Variants in CUX2 observed in about 807,000 individuals in gnomAD.
CUX2 encodes the protein homeobox protein cut-like 2.
CUX2 carries 40 observed loss-of-function variants against 144.8 expected under a neutral mutation model. That is an observed-to-expected ratio of 0.28 (90% CI 0.21 to 0.36). CUX2 has a LOEUF of 0.36. Among genes scored for constraint, CUX2 ranks in the 10% least tolerant of loss-of-function variants. The probability of loss-of-function intolerance (pLI) is 1.00; values close to 1 mark genes in which losing one functional copy is unlikely to be tolerated. For missense variants in CUX2, 1,615 were observed against 1,994.0 expected (o/e 0.81, Z 3.62); for synonymous variants, 827 against 875.6 (o/e 0.94, Z 0.98).
chr12:111,282,667 C>T (rs948383677), intron 4 of CUX2, among the ~76,000 whole-genome samples: 2 of 149,726 alleles, frequency 1.3e-5, no homozygotes, highest in African/African-American at 2.5e-5. Context: ...GAACAGGAGG[C>T]TTAAACGCAA....
intron 1 of CUX2, among the ~76,000 whole-genome samples, chr12:111,050,814 A>G (rs1470452474): frequency 6.6e-6 from 1 of 152,228 alleles, no homozygotes; most frequent in Non-Finnish European, 1.5e-5. Flanking sequence ...AGGTTATTAA[A>G]AACTTGTTAA....
intron 1 of CUX2, among the ~76,000 whole-genome samples, chr12:111,201,471 C>T (rs1235485996): frequency 6.6e-6 from 1 of 152,198 alleles, no homozygotes; most frequent in East Asian, 1.9e-4. Flanking sequence ...CCACTCATGC[C>T]CACAGCTCCC....
At chr12:111,126,258 G>A (rs112306122) in intron 1 of CUX2, among the ~76,000 whole-genome samples, 2,352 of 152,106 alleles carry the variant, frequency 0.015, 55 homozygotes, top group African/African-American at 0.053. Flanking sequence ...ACAGGCATGT[G>A]CTACCATCCC....
intron 1 of CUX2, among the ~76,000 whole-genome samples, chr12:111,201,387 C>T (rs1314417978): frequency 6.6e-6 from 1 of 152,178 alleles, no homozygotes; most frequent in African/African-American, 2.4e-5. Flanking sequence ...CACAACTTCC[C>T]AACCTAATCC....
At chr12:111,053,577 C>T (rs891564330) in intron 1 of CUX2, among the ~76,000 whole-genome samples, 1 of 152,236 alleles carries the variant, frequency 6.6e-6, no homozygotes, top group Admixed American at 6.5e-5. Flanking sequence ...CTCACACTTC[C>T]CAGCATTGCA....
intron 4 of CUX2, among the ~76,000 whole-genome samples, chr12:111,268,925 G>A (rs562386360): frequency 1.7e-4 from 26 of 152,264 alleles, no homozygotes; most frequent in African/African-American, 5.8e-4. Flanking sequence ...ACGGCACCCC[G>A]TAGTACCTCA....
intron 1 of CUX2, among the ~76,000 whole-genome samples, chr12:111,051,784 A>G (rs73411402): frequency 0.029 from 4,358 of 151,640 alleles, 191 homozygotes; most frequent in African/African-American, 0.1. Flanking sequence ...TTTGTTTTCT[A>G]TATCTTTTTG....
At chr12:111,071,430 G>A (rs1871250619) in intron 1 of CUX2, among the ~76,000 whole-genome samples, 1 of 152,166 alleles carries the variant, frequency 6.6e-6, no homozygotes, top group African/African-American at 2.4e-5. Flanking sequence ...CTTCTTTGGT[G>A]AGGATCTGTT....
At chr12:111,081,971 C>T (rs1871918890) in intron 1 of CUX2, among the ~76,000 whole-genome samples, 1 of 152,134 alleles carries the variant, frequency 6.6e-6, no homozygotes, top group Non-Finnish European at 1.5e-5. Flanking sequence ...TATAAATGCC[C>T]CGGCTCCCTC....
At chr12:111,073,185 C>A (rs527421868) in intron 1 of CUX2, among the ~76,000 whole-genome samples, 1 of 150,654 alleles carries the variant, frequency 6.6e-6, no homozygotes, top group African/African-American at 2.5e-5. Context: ...CCAGTCACTA[C>A]CAACCACCCA....
At chr12:111,182,454 C>T (rs1233621495) in intron 1 of CUX2, among the ~76,000 whole-genome samples, 1 of 152,218 alleles carries the variant, frequency 6.6e-6, no homozygotes, top group Non-Finnish European at 1.5e-5. Flanking sequence ...CCAGTTGATC[C>T]GTCTTCTCAG....
At chr12:111,158,097 G>A (rs1223257721) in intron 1 of CUX2, among the ~76,000 whole-genome samples, 1 of 152,136 alleles carries the variant, frequency 6.6e-6, no homozygotes, top group East Asian at 1.9e-4. Context: ...AAGAGGCAAG[G>A]CAGGAGGCCA....
At chr12:111,050,564 G>T (rs1469866543) in intron 1 of CUX2, among the ~76,000 whole-genome samples, 1 of 152,086 alleles carries the variant, frequency 6.6e-6, no homozygotes, top group East Asian at 1.9e-4. Context: ...GGGTCTACAG[G>T]ACAGAAACCT....
At chr12:111,288,142 G>A (rs1336766055) in intron 4 of CUX2, among the ~76,000 whole-genome samples, 2 of 152,160 alleles carry the variant, frequency 1.3e-5, no homozygotes, top group African/African-American at 4.8e-5. Context: ...TTGTACTATG[G>A]AAGGCAAGTA....
chr12:111,218,410 G>A (rs1051739657), intron 3 of CUX2, among the ~76,000 whole-genome samples: 14 of 152,092 alleles, frequency 9.2e-5, no homozygotes, highest in Admixed American at 2.6e-4. Flanking sequence ...CAGCTACTCC[G>A]GAGGCTAAGG....
intron 18 of CUX2, among the ~76,000 whole-genome samples, chr12:111,326,908 A>G (rs1887848147): frequency 6.6e-6 from 1 of 152,148 alleles, no homozygotes. Context: ...GTCTCAAACA[A>G]AGAAACAAAC....
chr12:111,311,990 G>T, intron 15 of CUX2, 110 bp from the exon 16 acceptor site: 1 of 805,762 alleles, frequency 1.2e-6, no homozygotes, highest in South Asian at 1.8e-5. Context: ...CTCACTGATG[G>T]TCTGACCCTC....
chr12:111,222,522 T>A lies in CUX2; in HGVS notation c.222+4585T>A, dbSNP rs528080330. On this transcript the variant is annotated intron_variant, in intron 3 of 21. Coordinates refer to ENST00000261726, the MANE Select transcript of CUX2 (RefSeq NM_015267.4). ...AACAGAGACATTCACCTGGGCCTGA[T>A]TGAAACACAGTAGTTTGGAGACCAA... Among the ~76,000 whole-genome samples the A allele has an allele frequency of 2.6e-5, 4 of 152,316 alleles. No homozygotes were observed. In the South Asian group the frequency reaches 8.3e-4, roughly 32 times the overall value.
intron 20 of CUX2, chr12:111,339,507 TGATAA>T (rs1888495611): frequency 6.6e-6 from 1 of 152,176 alleles, no homozygotes; most frequent in Non-Finnish European, 1.5e-5. Flanking sequence ...CATTATATCC[TGATAA>T]GATAAGCTGG....
Sources: gnomAD v4.1 joint callset for allele counts (sites outside exome capture counted in the v4.1 genomes callset) on GRCh38, gnomAD v4.1.1 for gene constraint, MANE v1.5 for transcripts, NCBI Gene and HGNC (gene_info 2026-07-23, HGNC 2026-07-21) for gene names.